AMPD3: variants seen among roughly 807,000 people sequenced by gnomAD.
AMPD3 encodes AMP deaminase 3.
In AMPD3, 57 loss-of-function variants were observed where a neutral mutation model predicts 82.3. The observed-to-expected ratio is 0.69, with a 90% CI of 0.56 to 0.86. The LOEUF (loss-of-function observed/expected upper bound fraction) is 0.86. AMPD3 is among the 40% of genes least tolerant of loss of function. The pLI is 0.00. For missense variants in AMPD3, 870 were observed against 1,003.8 expected, an observed-to-expected ratio of 0.87 and a Z score of 1.80; for synonymous variants, 381 against 394.7, an observed-to-expected ratio of 0.97 and a Z score of 0.41.
intron 2 of AMPD3, among the ~76,000 whole-genome samples, chr11:10,466,847 C>G (rs1320557439): frequency 2.0e-5 from 3 of 152,216 alleles, no homozygotes; most frequent in Non-Finnish European, 4.4e-5. Flanking sequence ...GAGGAAAGAA[C>G]AGGCAGCAGT....
At chr11:10,475,251 C>G (rs1848705274) in intron 2 of AMPD3, among the ~76,000 whole-genome samples, 1 of 152,090 alleles carries the variant, frequency 6.6e-6, no homozygotes, top group Non-Finnish European at 1.5e-5. Flanking sequence ...ATGCCCAGAT[C>G]TCCATGAAAA....
At chr11:10,472,677 T>C (rs1848628613) in intron 2 of AMPD3, among the ~76,000 whole-genome samples, 1 of 152,192 alleles carries the variant, frequency 6.6e-6, no homozygotes, top group South Asian at 2.1e-4. Context: ...AGGAGCTTCA[T>C]TTGAAATAGT....
chr11:10,503,387 C>T (rs1274417225), intron 13 of AMPD3, among the ~76,000 whole-genome samples: 1 of 152,202 alleles, frequency 6.6e-6, no homozygotes, highest in Non-Finnish European at 1.5e-5. Flanking sequence ...ACAGTGGTGT[C>T]ATGCATGGGG....
chr11:10,482,187 C>T lies in AMPD3; in HGVS notation c.551C>T (p.Pro184Leu), dbSNP rs774075201. ...ATCACATCCCAGTACCTGGGTCATC[C>T]GCGGGCGGATACTGCACCTCCGGAA... ...PRITSQYLGH[P>L]RADTAPPEEG... is the part of the protein sequence containing the mutation. The change falls in exon 4 of 15, where the codon CCG (proline) becomes CTG (leucine). Residue 184 changes from proline (P) to leucine (L), a missense_variant. Transcript: ENST00000396553. 10 of 1,613,374 alleles carry T rather than the reference C, an allele frequency of 6.2e-6. No individual in the cohort carries two copies. The highest frequency in any genetic ancestry group is 2.2e-5 in the East Asian group (1 of 44,904).
intron 10 of AMPD3, 149 bp downstream of exon 10, chr11:10,497,087 G>A: frequency 9.5e-7 from 1 of 1,057,312 alleles, no homozygotes; most frequent in East Asian, 2.4e-5. Context: ...CCAGCCCCAA[G>A]AAGCTAGATT....
At chr11:10,501,074 A>G (rs781387168) in intron 11 of AMPD3, 46 of 985,204 alleles carry the variant, frequency 4.7e-5, no homozygotes, top group Admixed American at 6.2e-5. Flanking sequence ...AGTGGCATGG[A>G]ACATAGACTT....
intron 1 of AMPD3, 34 bp from the exon 2 acceptor site, chr11:10,461,481 A>C (rs745366158): frequency 1.9e-6 from 3 of 1,613,878 alleles, no homozygotes; most frequent in African/African-American, 2.7e-5. Flanking sequence ...GACTCAGGGC[A>C]TCCTGCAATT....
At chr11:10,475,399 G>A (rs1848710161) in intron 2 of AMPD3, among the ~76,000 whole-genome samples, 1 of 152,092 alleles carries the variant, frequency 6.6e-6, no homozygotes, top group South Asian at 2.1e-4. Context: ...GCAGAGACAT[G>A]GATGCAAACC....
intron 2 of AMPD3, among the ~76,000 whole-genome samples, chr11:10,473,150 G>C (rs1848641935): frequency 6.6e-6 from 1 of 152,106 alleles, no homozygotes; most frequent in Non-Finnish European, 1.5e-5. Context: ...TGCGCCTATG[G>C]TTCCAGCTTT....
intron 6 of AMPD3, among the ~76,000 whole-genome samples, chr11:10,488,591 G>A (rs542401748): frequency 2.2e-4 from 34 of 152,314 alleles, no homozygotes; most frequent in African/African-American, 7.7e-4. Context: ...AGAGATGTGG[G>A]GAGGTCCTGG....
At chr11:10,501,343 C>CACTG (rs1467165958) in intron 11 of AMPD3, 127 bp from the exon 12 acceptor site, 1 of 1,476,860 alleles carries the variant, frequency 6.8e-7, no homozygotes, top group Non-Finnish European at 9.0e-7. Context: ...TTCCAGGGTG[C>CACTG]ACTGGGTCAG....
At chr11:10,457,882 C>A (rs1848144420) in intron 1 of AMPD3, among the ~76,000 whole-genome samples, 1 of 152,110 alleles carries the variant, frequency 6.6e-6, no homozygotes, top group Non-Finnish European at 1.5e-5. Context: ...GCAACTGAGA[C>A]CCTGTCTCTC....
intron 10 of AMPD3, chr11:10,499,632 C>T (rs976679165): frequency 8.1e-6 from 8 of 983,640 alleles, no homozygotes; most frequent in South Asian, 9.4e-5. Context: ...AATTAACTGA[C>T]GTGAGTAAAG....
chr11:10,488,406 A>G (rs1849141017), intron 6 of AMPD3: 2 of 985,168 alleles, frequency 2.0e-6, no homozygotes, highest in South Asian at 4.7e-5. Flanking sequence ...AGGGGAATGG[A>G]AGTGGTGGCA....
At chr11:10,491,577 G>A (rs1849240905) in intron 6 of AMPD3, among the ~76,000 whole-genome samples, 1 of 152,212 alleles carries the variant, frequency 6.6e-6, no homozygotes, top group Admixed American at 6.5e-5. Flanking sequence ...CTGAGAACAT[G>A]CAGGCTTGAA....
At chr11:10,500,366 A>G in intron 11 of AMPD3, 117 bp downstream of exon 11, 2 of 1,345,320 alleles carry the variant, frequency 1.5e-6, no homozygotes, top group Non-Finnish European at 2.1e-6. Context: ...CTGAACCAAC[A>G]TGCATGTCCA....
In AMPD3 at chr11:10,467,771, G is replaced by C. The variant is rs188753233; in HGVS notation, c.221+6031G>C. On this transcript the variant is annotated intron_variant, in intron 2 of 14. Coordinates refer to ENST00000396553, the MANE Select transcript of AMPD3 (RefSeq NM_001025389.2). ...AATGTTAAGGGCAGCCAGAGAGAAA[G>C]GTCAGGCTACCCACAAAGAGAAGCC... 2.3e-3 allele frequency among the ~76,000 whole-genome samples: 356 copies of C among 152,276 alleles called. 1 individual carries two copies. The highest frequency in any genetic ancestry group is 8.2e-3 in the African/African-American group (339 of 41,548).
At chr11:10,487,178 C>T in intron 5 of AMPD3, 57 bp from the exon 6 acceptor site, 1 of 1,611,510 alleles carries the variant, frequency 6.2e-7, no homozygotes, top group East Asian at 2.2e-5. Flanking sequence ...TGGAGGCCTC[C>T]AAACTGGAGA....
chr11:10,450,842 C>A (rs1847941283), upstream of AMPD3: 1 of 1,198,158 alleles, frequency 8.3e-7, no homozygotes, highest in Non-Finnish European at 1.0e-6. Context: ...CCCGCGGGGC[C>A]CTCCTGGCCG....
Sources: allele counts gnomAD v4.1 joint callset (sites outside exome capture counted in the v4.1 genomes callset), GRCh38; gene constraint gnomAD v4.1.1; transcripts MANE v1.5; gene names NCBI Gene and HGNC (gene_info 2026-07-23, HGNC 2026-07-21).